SYN3: variants seen among roughly 807,000 people sequenced by gnomAD.
SYN3 encodes synapsin III.
A neutral mutation model predicts 65.8 loss-of-function variants in SYN3; 35 were observed. The observed-to-expected ratio is 0.53, with a 90% CI of 0.41 to 0.70. The LOEUF is 0.70. Among genes scored for constraint, SYN3 ranks in the 30% least tolerant of loss-of-function variants. The pLI, the probability that SYN3 is intolerant of heterozygous loss-of-function variation, is 0.00. For missense variants in SYN3, 680 were observed against 749.0 expected, an observed-to-expected ratio of 0.91 and a Z score of 1.08; for synonymous variants, 270 against 292.9, an observed-to-expected ratio of 0.92 and a Z score of 0.80.
At chr22:32,945,783 A>G (rs1419126706) in intron 3 of SYN3, among the ~76,000 whole-genome samples, 2 of 152,250 alleles carry the variant, frequency 1.3e-5, no homozygotes, top group South Asian at 2.1e-4. Flanking sequence ...AATTTTTGCA[A>G]TCTACTTATC....
intron 6 of SYN3, among the ~76,000 whole-genome samples, chr22:32,705,137 G>A (rs577253109): frequency 6.6e-4 from 101 of 152,280 alleles, no homozygotes; most frequent in African/African-American, 2.4e-3. Flanking sequence ...CAGTTCCTAT[G>A]TCCAGAATGG....
At chr22:32,884,865 G>C (rs1361680056) in intron 4 of SYN3, among the ~76,000 whole-genome samples, 1 of 152,090 alleles carries the variant, frequency 6.6e-6, no homozygotes, top group East Asian at 1.9e-4. Flanking sequence ...GACAGAGCGA[G>C]ACTGTCTCAA....
intron 6 of SYN3, among the ~76,000 whole-genome samples, chr22:32,720,449 C>T (rs743743): frequency 0.062 from 9,455 of 152,280 alleles, 338 homozygotes; most frequent in Non-Finnish European, 0.086. Flanking sequence ...GTGACTTGCC[C>T]ATGTGAGAAG....
intron 6 of SYN3, among the ~76,000 whole-genome samples, chr22:32,772,858 G>A (rs557517681): frequency 1.3e-5 from 2 of 152,306 alleles, no homozygotes; most frequent in East Asian, 3.9e-4. Flanking sequence ...CAGCCCAGTA[G>A]AACTGACTTC....
intron 9 of SYN3, among the ~76,000 whole-genome samples, chr22:32,535,618 A>T (rs2058150501): frequency 1.3e-5 from 2 of 152,150 alleles, no homozygotes; most frequent in Admixed American, 1.3e-4. Flanking sequence ...TTCTCAATGG[A>T]ACGTGGAAAT....
At position 32,637,317 on chromosome 22, in the gene SYN3, T is replaced by C. The variant is rs570544180; in HGVS notation, c.712-40581A>G. On this transcript the variant is annotated intron_variant, in intron 6 of 13. Transcript: ENST00000358763. The stretch of plus-strand genomic sequence containing the variant: ...TTCCTTAACTTCAAAACGAGGATGA[T>C]GACGGTCCCACCATCATAGGGATGT... 3.3e-5 allele frequency among the ~76,000 whole-genome samples: 5 copies of C among 152,312 alleles called. No individual in the cohort carries two copies. In the East Asian group the frequency reaches 9.6e-4, roughly 29 times the overall value.
chr22:32,741,178 G>A (rs2061400136), intron 6 of SYN3, among the ~76,000 whole-genome samples: 1 of 152,028 alleles, frequency 6.6e-6, no homozygotes, highest in East Asian at 1.9e-4. Flanking sequence ...CATGAGCACT[G>A]TTCTTAGCAT....
chr22:32,556,071 C>CT (rs1432495206), intron 7 of SYN3, among the ~76,000 whole-genome samples: 1 of 152,198 alleles, frequency 6.6e-6, no homozygotes, highest in African/African-American at 2.4e-5. Context: ...GTTCCCAAGC[C>CT]TTCTTGGTTT....
intron 1 of SYN3, among the ~76,000 whole-genome samples, chr22:33,009,970 C>T (rs1276072798): frequency 4.6e-5 from 7 of 152,018 alleles, no homozygotes; most frequent in Admixed American, 1.3e-4. Context: ...TGGTGGCTCA[C>T]GCCTGTAATC....
At chr22:32,523,775 T>C (rs1407107809) in intron 12 of SYN3, among the ~76,000 whole-genome samples, 1 of 152,218 alleles carries the variant, frequency 6.6e-6, no homozygotes, top group East Asian at 1.9e-4. Context: ...GAGGAGGGCA[T>C]GTTGAAAGCC....
At chr22:32,523,383 T>G (rs150313327) in intron 12 of SYN3, among the ~76,000 whole-genome samples, 4 of 152,214 alleles carry the variant, frequency 2.6e-5, no homozygotes, top group South Asian at 2.1e-4. Context: ...TGTGGTGGCA[T>G]GCACCTGCAG....
chr22:32,856,282 G>A (rs2048362650), intron 6 of SYN3, among the ~76,000 whole-genome samples: 1 of 151,752 alleles, frequency 6.6e-6, no homozygotes, highest in Non-Finnish European at 1.5e-5. Flanking sequence ...TCAGACATGT[G>A]TAGCCGAAGG....
intron 6 of SYN3, among the ~76,000 whole-genome samples, chr22:32,753,904 ATTCTCATCCCCATT>A (rs1162392261): frequency 1.3e-5 from 2 of 152,210 alleles, no homozygotes; most frequent in East Asian, 3.9e-4. Flanking sequence ...CTTGTGTGGA[ATTCTCATCCCCATT>A]TTCCATATGA....
Position 32,605,376 on chromosome 22 carries a change from C to G in SYN3, c.712-8640G>C, listed in dbSNP as rs910022879. Among the ~76,000 whole-genome samples the G allele has an allele frequency of 1.3e-4, 20 of 152,102 alleles. 1 individual carries two copies. The highest frequency in any genetic ancestry group is 2.1e-4 in the Non-Finnish European group (14 of 67,990). On this transcript the variant is annotated intron_variant, in intron 6 of 13. Transcript: ENST00000358763. ...TGTTTCATGGCTACCAGGCAGCCGT[C>G]GAGGGTTTGGATGCAGTGGGGTAGA...
At chr22:32,713,351 A>T (rs2060990701) in intron 6 of SYN3, among the ~76,000 whole-genome samples, 1 of 152,178 alleles carries the variant, frequency 6.6e-6, no homozygotes, top group South Asian at 2.1e-4. Context: ...CTACATTTTA[A>T]ATTTTCTGCC....
chr22:32,755,446 G>T (rs1489602716), intron 6 of SYN3, among the ~76,000 whole-genome samples: 1 of 152,192 alleles, frequency 6.6e-6, no homozygotes. Context: ...GGTCCAAGGG[G>T]CTCCCATGAT....
At chr22:33,017,801 A>G (rs2053495799) in intron 1 of SYN3, among the ~76,000 whole-genome samples, 1 of 147,020 alleles carries the variant, frequency 6.8e-6, no homozygotes, top group Non-Finnish European at 1.5e-5. Flanking sequence ...TTCTATATTT[A>G]AGATCATGTC....
Position 32,896,476 on chromosome 22 carries a change from G to C in SYN3, c.462-27351C>G, listed in dbSNP as rs372735468. 4.6e-5 allele frequency among the ~76,000 whole-genome samples: 7 copies of C among 152,064 alleles called. No individual in the cohort carries two copies. The East Asian group carries it at 5.8e-4, about 13-fold the overall frequency. ...GTCTCAAAATATAAAAATAAATAAG[G>C]TAAACTTAGCAGCTCATTATCATAA... is the stretch of plus-strand genomic sequence containing the variant. On this transcript the variant is annotated intron_variant, in intron 4 of 13. Transcript: ENST00000358763.
chr22:32,582,664 G>A lies in SYN3; in HGVS notation c.774+14010C>T, dbSNP rs527812372. On this transcript the variant is annotated intron_variant, in intron 7 of 13. Transcript: ENST00000358763. ...TGAAAACTTCTGGGATTACAGGTGT[G>A]AGCCACTGTGCCCAGCCTATGTTCT... is the stretch of plus-strand genomic sequence containing the variant. Among the ~76,000 whole-genome samples, 3 of 152,256 alleles carry A rather than the reference G, an allele frequency of 2.0e-5. No individual in the cohort carries two copies. In the East Asian group the frequency reaches 5.8e-4, roughly 29 times the overall value.
Sources: gnomAD v4.1 joint callset for allele counts (sites outside exome capture counted in the v4.1 genomes callset) on GRCh38, gnomAD v4.1.1 for gene constraint, MANE v1.5 for transcripts, NCBI Gene and HGNC (gene_info 2026-07-23, HGNC 2026-07-21) for gene names.